Variants in HIVEP1 observed in about 807,000 individuals in gnomAD.
The protein encoded by HIVEP1 is zinc finger protein 40.
In HIVEP1, 36 loss-of-function variants were observed where a neutral mutation model predicts 180.0. That is an observed-to-expected ratio of 0.20 (90% CI 0.15 to 0.26). The LOEUF is 0.26. Among genes scored for constraint, HIVEP1 ranks in the 10% least tolerant of loss-of-function variants. The pLI is 1.00. For missense variants in HIVEP1, 3,143 were observed against 3,268.7 expected, an observed-to-expected ratio of 0.96 and a Z score of 0.94; for synonymous variants, 1,239 against 1,239.0, an observed-to-expected ratio of 1.00 and a Z score of 0.00.
At chr6:12,183,589 A>G in the HIVEP1 span, among the ~76,000 whole-genome samples, 1 of 152,228 alleles carries the variant, frequency 6.6e-6, no homozygotes, top group Non-Finnish European at 1.5e-5. Context: ...TAGAATTTAG[A>G]TGATGTCCTG....
chr6:12,141,493 G>T (rs1759026884), intron 7 of HIVEP1, among the ~76,000 whole-genome samples: 1 of 151,668 alleles, frequency 6.6e-6, no homozygotes, highest in African/African-American at 2.4e-5. Context: ...CTAACATAGT[G>T]ACGGGATCAA....
In HIVEP1 at chr6:12,124,207, G is replaced by T; in HGVS notation, c.4412G>T (p.Ser1471Ile). The part of the protein sequence containing the change: ...AVPYQGPQLT[S>I]TSLAEFSANT... ...CCATATCAGGGGCCTCAGCTCACTA[G>T]TACATCTTTAGCTGAGTTTTCTGCA... is the stretch of plus-strand genomic sequence containing the variant. The change falls in exon 4 of 9, where the codon AGT (serine) becomes ATT (isoleucine). Residue 1471 changes from serine to isoleucine, a missense_variant. This residue lies in a region of HIVEP1 where 1,357 missense variants were observed against 1,260.5 expected (regional missense o/e 1.08). Coordinates refer to ENST00000379388, the MANE Select transcript of HIVEP1 (RefSeq NM_002114.4). 1 of 1,613,890 alleles carries T rather than the reference G, an allele frequency of 6.2e-7. No individual in the cohort carries two copies. Among genetic ancestry groups the T allele is most frequent in the East Asian group, 2.2e-5 (1 of 44,886 alleles).
intron 3 of HIVEP1, among the ~76,000 whole-genome samples, chr6:12,116,919 T>C (rs1430116936): frequency 6.6e-6 from 1 of 152,072 alleles, no homozygotes; most frequent in African/African-American, 2.4e-5. Context: ...AAACTTAATA[T>C]GAGACAATAA....
intron 7 of HIVEP1, among the ~76,000 whole-genome samples, chr6:12,155,894 T>G (rs2113667925): frequency 6.6e-6 from 1 of 152,344 alleles, no homozygotes; most frequent in Admixed American, 6.5e-5. Flanking sequence ...TTCCTTTTTC[T>G]CTGCAACCTC....
At chr6:12,131,014 G>C (rs536338512) in intron 6 of HIVEP1, 72 bp downstream of exon 6, 1 of 1,104,824 alleles carries the variant, frequency 9.1e-7, no homozygotes, top group Non-Finnish European at 1.3e-6. Context: ...CCAACTGTGC[G>C]TTTTCTTTGA....
At chr6:12,186,453 G>A in the HIVEP1 span, among the ~76,000 whole-genome samples, 1 of 151,422 alleles carries the variant, frequency 6.6e-6, no homozygotes, top group Non-Finnish European at 1.5e-5. Flanking sequence ...TGGAAACAGT[G>A]TGAAGGAACT....
chr6:12,048,887 C>T (rs1356054003), intron 2 of HIVEP1, among the ~76,000 whole-genome samples: 1 of 152,136 alleles, frequency 6.6e-6, no homozygotes, highest in South Asian at 2.1e-4. Flanking sequence ...CAAAATCAAG[C>T]CTCAGAGTGT....
chr6:12,174,567 T>G, the HIVEP1 span, among the ~76,000 whole-genome samples: 1 of 151,582 alleles, frequency 6.6e-6, no homozygotes, highest in East Asian at 1.9e-4. Context: ...AAAAATGTTT[T>G]GTTTGTTTTG....
the HIVEP1 span, among the ~76,000 whole-genome samples, chr6:12,188,471 A>C: frequency 6.6e-6 from 1 of 152,172 alleles, no homozygotes; most frequent in Non-Finnish European, 1.5e-5. Flanking sequence ...GGAAAGGAAG[A>C]AGCAACTATA....
chr6:12,068,013 G>A (rs1270051929), intron 2 of HIVEP1, among the ~76,000 whole-genome samples: 1 of 151,764 alleles, frequency 6.6e-6, no homozygotes, highest in East Asian at 1.9e-4. Flanking sequence ...TTTCTGATTC[G>A]TGCTGGTGAG....
At chr6:12,184,287 A>T in the HIVEP1 span, among the ~76,000 whole-genome samples, 2 of 152,164 alleles carry the variant, frequency 1.3e-5, no homozygotes, top group African/African-American at 4.8e-5. Flanking sequence ...TTGTACTCGG[A>T]TCTGGAATTT....
At chr6:12,192,301 A>T in the HIVEP1 span, among the ~76,000 whole-genome samples, 4,320 of 152,112 alleles carry the variant, frequency 0.028, 91 homozygotes, top group Middle Eastern at 0.095. Flanking sequence ...ATATTTTTAA[A>T]TTTTTAAATG....
At position 12,121,148 on chromosome 6, in the gene HIVEP1, G is replaced by A. The variant is rs1189826514; in HGVS notation, c.1353G>A (p.Lys451=). 4 of 1,614,004 alleles carry A rather than the reference G, an allele frequency of 2.5e-6. No homozygotes were observed. Among genetic ancestry groups the A allele is most frequent in the Non-Finnish European group, 3.4e-6 (4 of 1,180,024 alleles). The change falls in exon 4 of 9, where the codon AAG becomes AAA. Residue 451 remains lysine, a synonymous_variant. Transcript: ENST00000379388. This position sits in a 1 kb window ranked among gnomAD's most constrained non-coding sequence, Gnocchi z 5.3. Reference sequence around the variant, plus strand: ...TTAAGACTAAAAGTAATCTGTATAAGCACAAGAAATCCCACGCACATACTA... The same window carrying A: ...TTAAGACTAAAAGTAATCTGTATAAACACAAGAAATCCCACGCACATACTA... ...FSFKTKSNLY[K]HKKSHAHTIK... is the part of the protein sequence containing the mutation.
downstream of HIVEP1, among the ~76,000 whole-genome samples, chr6:12,167,647 A>T (rs9367013): frequency 1.0e-5 from 1 of 95,260 alleles, no homozygotes. Context: ...ATACATATAC[A>T]TATATATGTT....
At chr6:12,065,192 T>C (rs1257327302) in intron 2 of HIVEP1, among the ~76,000 whole-genome samples, 3 of 152,196 alleles carry the variant, frequency 2.0e-5, no homozygotes, top group Non-Finnish European at 4.4e-5. Flanking sequence ...TTCTGAGAGT[T>C]GGAGTTAAAG....
intron 2 of HIVEP1, among the ~76,000 whole-genome samples, chr6:12,036,840 G>A (rs1021693229): frequency 2.6e-5 from 4 of 152,206 alleles, no homozygotes; most frequent in African/African-American, 7.2e-5. Flanking sequence ...CCCGGGAGGC[G>A]GAGGCTGCAG....
At chr6:12,090,295 A>G (rs1378727323) in intron 3 of HIVEP1, among the ~76,000 whole-genome samples, 3 of 152,224 alleles carry the variant, frequency 2.0e-5, no homozygotes, top group South Asian at 2.1e-4. Flanking sequence ...ACAGCAGACT[A>G]TTTTGACAGA....
intron 2 of HIVEP1, among the ~76,000 whole-genome samples, chr6:12,078,929 C>T (rs971184621): frequency 2.6e-5 from 4 of 151,930 alleles, no homozygotes; most frequent in East Asian, 3.9e-4. Context: ...TGCATGTGCC[C>T]GTGTGTGTGC....
chr6:12,129,267 G>T (rs144967560), intron 4 of HIVEP1, among the ~76,000 whole-genome samples: 201 of 152,256 alleles, frequency 1.3e-3, no homozygotes, highest in African/African-American at 4.3e-3. Context: ...GGGAAATGGG[G>T]CTTCTGCTTT....
Sources: allele counts gnomAD v4.1 joint callset (sites outside exome capture counted in the v4.1 genomes callset), GRCh38; gene constraint gnomAD v4.1.1; regional missense constraint gnomAD v4.1.1; non-coding constraint Gnocchi (gnomAD v3.1); transcripts MANE v1.5; gene names NCBI Gene and HGNC (gene_info 2026-07-23, HGNC 2026-07-21).